The following GPR107 variants were observed in gnomAD, a reference collection of about 807,000 sequenced individuals.
GPR107 encodes protein GPR107.
Under a neutral mutation model 75.5 loss-of-function variants are expected in GPR107, and 31 were observed. The ratio of observed to expected loss-of-function variants is 0.41; its 90% CI spans 0.31 to 0.55. The LOEUF (loss-of-function observed/expected upper bound fraction) is 0.55, where lower values mean the gene tolerates loss of function less well. Ranked by LOEUF, GPR107 falls within the 20% of genes least tolerant of loss-of-function variation. The pLI is 0.26. For missense variants in GPR107, 572 were observed against 665.7 expected (o/e 0.86, Z 1.55); for synonymous variants, 267 against 251.3 (o/e 1.06, Z -0.59).
chr9:130,072,411 A>G (rs1161135374), intron 1 of GPR107, among the ~76,000 whole-genome samples: 2 of 151,510 alleles, frequency 1.3e-5, no homozygotes, highest in African/African-American at 4.8e-5. Flanking sequence ...AGTACAGATG[A>G]GGTTTCACCG....
intron 15 of GPR107, among the ~76,000 whole-genome samples, chr9:130,125,992 T>G (rs113912412): frequency 0.04 from 6,072 of 150,658 alleles, 411 homozygotes; most frequent in African/African-American, 0.14. Flanking sequence ...GAGGCTGAGG[T>G]TGCAGTAAGC....
chr9:130,101,259 C>T (rs370969286), intron 12 of GPR107, 36 bp downstream of exon 12: 10 of 1,138,018 alleles, frequency 8.8e-6, no homozygotes, highest in Admixed American at 3.4e-5. Context: ...CACTTCCTTT[C>T]TTGGCGCTTA....
intron 1 of GPR107, among the ~76,000 whole-genome samples, chr9:130,071,885 A>G (rs1257229831): frequency 1.3e-5 from 2 of 152,002 alleles, no homozygotes; most frequent in African/African-American, 2.4e-5. Flanking sequence ...GGGTTTCACC[A>G]TGTTGGCCAG....
chr9:130,062,735 T>C (rs868558818), intron 1 of GPR107, among the ~76,000 whole-genome samples: 5 of 151,464 alleles, frequency 3.3e-5, no homozygotes, highest in Middle Eastern at 3.4e-3. Flanking sequence ...TATTTTTTTT[T>C]AAATAAGAGT....
At chr9:130,055,868 C>T (rs755630094) in intron 1 of GPR107, among the ~76,000 whole-genome samples, 5 of 151,898 alleles carry the variant, frequency 3.3e-5, no homozygotes, top group African/African-American at 7.2e-5. Flanking sequence ...TGCTTGAACC[C>T]GGGAGGCTGA....
chr9:130,131,501 C>G (rs1554899078), intron 17 of GPR107, among the ~76,000 whole-genome samples: 1 of 152,126 alleles, frequency 6.6e-6, no homozygotes, highest in Admixed American at 6.5e-5. Context: ...CACCCTTACT[C>G]CCGTTCTCCC....
At chr9:130,125,662 T>C (rs1831659399) in intron 15 of GPR107, among the ~76,000 whole-genome samples, 1 of 145,024 alleles carries the variant, frequency 6.9e-6, no homozygotes, top group African/African-American at 2.6e-5. Flanking sequence ...AGTGCAGTAG[T>C]GCGATCCCGG....
At chr9:130,125,400 C>CTTTTT (rs386416334) in intron 15 of GPR107, among the ~76,000 whole-genome samples, 1 of 135,646 alleles carries the variant, frequency 7.4e-6, no homozygotes. Context: ...TGCTTTTTTG[C>CTTTTT]TTTTTTTTTT....
Sources: gnomAD v4.1 joint callset for allele counts (sites outside exome capture counted in the v4.1 genomes callset) on GRCh38, gnomAD v4.1.1 for gene constraint, MANE v1.5 for transcripts, NCBI Gene and HGNC (gene_info 2026-07-23, HGNC 2026-07-21) for gene names.